The following ZNF343 variants were observed in gnomAD, a reference collection of about 807,000 sequenced individuals.
ZNF343 encodes zinc finger protein 343.
In ZNF343, 11 loss-of-function variants were observed where a neutral mutation model predicts 13.8. That is an observed-to-expected ratio of 0.80 (90% confidence interval 0.50 to 1.32). The LOEUF (loss-of-function observed/expected upper bound fraction) is 1.32. Among genes scored for constraint, ZNF343 ranks in the 40% most tolerant of loss-of-function variants. ZNF343 has a pLI of 0.00. For synonymous variants in ZNF343, 248 were observed against 260.0 expected, an observed-to-expected ratio of 0.95 and a Z score of 0.44; for missense variants, 658 against 714.2, an observed-to-expected ratio of 0.92 and a Z score of 0.90.
intron 1 of ZNF343, among the ~76,000 whole-genome samples, chr20:2,514,410 C>T (rs1027111697): frequency 2.1e-4 from 32 of 152,260 alleles, no homozygotes; most frequent in African/African-American, 6.7e-4. Context: ...AAAGAATCTT[C>T]AAAAGGATTC....
intron 1 of ZNF343, among the ~76,000 whole-genome samples, chr20:2,524,203 GCTA>G (rs2085794934): frequency 1.3e-5 from 2 of 151,244 alleles, no homozygotes; most frequent in South Asian, 4.2e-4. Flanking sequence ...TGTGCTCCTA[GCTA>G]CTTGGGAGGC....
In ZNF343 at chr20:2,502,480, C is replaced by T. The variant is rs1022677696; in HGVS notation, c.-236-1738G>A. Among the ~76,000 whole-genome samples, 5 of 151,900 alleles carry T rather than the reference C, an allele frequency of 3.3e-5. No homozygotes were observed. In the East Asian group the frequency reaches 9.7e-4, roughly 29 times the overall value. On this transcript the variant is annotated intron_variant, in intron 1 of 5. Coordinates refer to ENST00000278772, the MANE Select transcript of ZNF343 (RefSeq NM_024325.6). ...CAGAGAACGCCACAAAGATACTCCT[C>T]GAGAAGAGCAACTCCAAGACACATA... is the stretch of plus-strand genomic sequence containing the variant.
intron 5 of ZNF343, among the ~76,000 whole-genome samples, chr20:2,487,019 A>C (rs1447981372): frequency 3.3e-5 from 5 of 152,174 alleles, no homozygotes; most frequent in Non-Finnish European, 7.3e-5. Context: ...GTTCCAAAAA[A>C]ACTTTATTTA....
In ZNF343 at chr20:2,523,240, G is replaced by A. The variant is rs189184033; in HGVS notation, c.-347+1215C>T. Among the ~76,000 whole-genome samples, 1,475 of 152,314 alleles carry A rather than the reference G, an allele frequency of 9.7e-3. 15 individuals carry two copies. The highest frequency in any genetic ancestry group is 0.014 in the Non-Finnish European group (959 of 68,026). ...GTTACCCTATATGGTCTAAAAAGGGGAGGAACCCTCGGTTCCGAGAATTGC... is the reference window on the plus strand; with the variant it reads ...GTTACCCTATATGGTCTAAAAAGGGAAGGAACCCTCGGTTCCGAGAATTGC... On this transcript the variant is annotated intron_variant, in intron 1 of 6. Coordinates refer to the ZNF343 transcript ENST00000358413.
intron 5 of ZNF343, among the ~76,000 whole-genome samples, chr20:2,488,811 C>T (rs1229827712): frequency 6.6e-6 from 1 of 152,090 alleles, no homozygotes; most frequent in Non-Finnish European, 1.5e-5. Context: ...TTGGGACGCC[C>T]ACGCAGGTGG....
rs1417737309 is a variant in ZNF343 at position 2,493,842 on chromosome 20, C to T, written c.54G>A (p.Leu18=). Residue 18 remains leucine (L), a synonymous_variant, in exon 3 of 6, where the codon TTG becomes TTA. Transcript: ENST00000278772. The part of the protein sequence containing the change: ...ALGDQYWEEI[L]LPKNGENVET... ...CTACATTTTCCCCATTCTTTGGAAGCAAAATCTCTTCCCAGTATTGATCTC... is the reference window on the plus strand; with the variant it reads ...CTACATTTTCCCCATTCTTTGGAAGTAAAATCTCTTCCCAGTATTGATCTC... 1.7e-5 allele frequency: 27 copies of T among 1,613,938 alleles called. No homozygotes were observed. Among genetic ancestry groups the T allele is most frequent in the Non-Finnish European group, 2.3e-5 (27 of 1,179,990 alleles).
intron 1 of ZNF343, among the ~76,000 whole-genome samples, chr20:2,516,221 A>G (rs1160851054): frequency 1.3e-5 from 2 of 152,020 alleles, no homozygotes; most frequent in Admixed American, 6.6e-5. Flanking sequence ...TTAGAAGCCA[A>G]ATGTCCTGGT....
At position 2,483,205 on chromosome 20, in the gene ZNF343, A is replaced by G. The variant is rs753162111; in HGVS notation, c.1756T>C (p.Phe586Leu). 3.1e-6 allele frequency: 5 copies of G among 1,612,442 alleles called. No homozygotes were observed. In the African/African-American group the frequency reaches 6.7e-5, roughly 22 times the overall value. The change falls in exon 6 of 6, where the codon TTT (phenylalanine) becomes CTT (leucine). Residue 586 changes from phenylalanine to leucine, a missense_variant. Transcript: ENST00000278772. Reference sequence around the variant, plus strand: ...CTGATGAGATTTGACTTATGACTAAAGCCTCGCCCACACTCCCTACAAACA... The same window carrying G: ...CTGATGAGATTTGACTTATGACTAAGGCCTCGCCCACACTCCCTACAAACA... ...HYVCRECGRG[F>L]SHKSNLIRHQ...
At chr20:2,523,688 T>G (rs1305139430) in intron 1 of ZNF343, among the ~76,000 whole-genome samples, 1 of 146,730 alleles carries the variant, frequency 6.8e-6, no homozygotes, top group Non-Finnish European at 1.5e-5. Flanking sequence ...TTTTTTTTTT[T>G]TTTTTTTTTT....
intron 5 of ZNF343, among the ~76,000 whole-genome samples, chr20:2,489,949 C>T (rs977272024): frequency 2.0e-5 from 3 of 148,486 alleles, no homozygotes; most frequent in Non-Finnish European, 3.0e-5. Context: ...CCCAAGAGTT[C>T]GAGACCAGCC....
At chr20:2,489,691 TAAGCCACTA>T (rs1447280969) in intron 5 of ZNF343, among the ~76,000 whole-genome samples, 3 of 152,244 alleles carry the variant, frequency 2.0e-5, no homozygotes, top group Non-Finnish European at 2.9e-5. Flanking sequence ...TTTGCTATTA[TAAGCCACTA>T]AAGTATTGGG....
chr20:2,483,794 G>C lies in ZNF343; in HGVS notation c.1167C>G (p.Ser389Arg), dbSNP rs182235636. ...KPYVCLECGR[S>R]FCDKSTLRKH... ...TTCTGAGGGTTGACTTATCACAAAA[G>C]CTTCGTCCACACTCCAGGCACACAT... The change falls in exon 6 of 6, where the codon AGC becomes AGG. Residue 389 changes from serine to arginine, a missense_variant. Transcript: ENST00000278772. 1 of 1,613,822 alleles carries C rather than the reference G, an allele frequency of 6.2e-7. No individual in the cohort carries two copies. Among genetic ancestry groups the C allele is most frequent in the East Asian group, 2.2e-5 (1 of 44,858 alleles).
chr20:2,493,611 AC>A lies in ZNF343; in HGVS notation c.119-35del, dbSNP rs757712796. 156 of 1,110,896 alleles carry A rather than the reference AC, an allele frequency of 1.4e-4. No homozygotes were observed. The East Asian group carries it at 2.2e-3, about 16-fold the overall frequency. 68.8% of individuals were successfully genotyped at this position (1,110,896 alleles called of 1,614,324 possible). On this transcript the variant is annotated intron_variant, in intron 3 of 5. Transcript: ENST00000278772. ...AGAAAAAGAAGCTATGAGAAACCAG[AC>A]CCCCCCACCCCCCACCCCCCACCAT...
At chr20:2,503,613 C>T (rs2085606790) in intron 1 of ZNF343, among the ~76,000 whole-genome samples, 1 of 152,208 alleles carries the variant, frequency 6.6e-6, no homozygotes, top group Non-Finnish European at 1.5e-5. Context: ...AACTGTCTCT[C>T]AGACCACAGT....
At chr20:2,515,953 A>G (rs141637362) in intron 1 of ZNF343, among the ~76,000 whole-genome samples, 1 of 152,178 alleles carries the variant, frequency 6.6e-6, no homozygotes, top group Non-Finnish European at 1.5e-5. Context: ...GGGGAGTCAG[A>G]CTCAGAGTGA....
At chr20:2,492,511 C>A (rs2085381676) in intron 5 of ZNF343, among the ~76,000 whole-genome samples, 188 bp downstream of exon 5, 1 of 152,076 alleles carries the variant, frequency 6.6e-6, no homozygotes, top group Admixed American at 6.6e-5. Flanking sequence ...ATTATAATAT[C>A]CCTGTATATG....
In ZNF343 at chr20:2,483,043, C is replaced by T. The variant is rs1447143343; in HGVS notation, c.*118G>A. 4 of 1,252,672 alleles carry T rather than the reference C, an allele frequency of 3.2e-6. No individual in the cohort carries two copies. The highest frequency in any genetic ancestry group is 1.5e-5 in the African/African-American group (1 of 65,880). The allele number at this position is 1,252,672 out of a possible 1,614,324, so 77.6% of individuals were successfully genotyped here. A position where few individuals can be genotyped will look rare whatever the true frequency, so the allele number is the denominator to read the frequency against. On this transcript the variant is annotated 3_prime_UTR_variant, in exon 6 of 6. Coordinates refer to ENST00000278772, the MANE Select transcript of ZNF343 (RefSeq NM_024325.6). ...GATAAGGGCTGACACATCTCTGGAA[C>T]TTCACTCACAATCTGTGTACACAGG...
chr20:2,499,478 A>G (rs2085523193), intron 2 of ZNF343, among the ~76,000 whole-genome samples: 1 of 144,452 alleles, frequency 6.9e-6, no homozygotes, highest in South Asian at 2.1e-4. Flanking sequence ...AAAAAAAAAA[A>G]AAAAAAAAAA....
intron 2 of ZNF343, among the ~76,000 whole-genome samples, chr20:2,496,698 C>T (rs555084723): frequency 1.3e-5 from 2 of 152,198 alleles, no homozygotes; most frequent in South Asian, 4.2e-4. Context: ...GCAATCACAT[C>T]CTGAATTTCC....
Sources: gnomAD v4.1 joint callset for allele counts (sites outside exome capture counted in the v4.1 genomes callset) on GRCh38, gnomAD v4.1.1 for gene constraint, MANE v1.5 for transcripts, NCBI Gene and HGNC (gene_info 2026-07-23, HGNC 2026-07-21) for gene names.